RAD54L: variants seen among roughly 807,000 people sequenced by gnomAD.
RAD54L encodes RAD54 like.
RAD54L carries 74 observed loss-of-function variants against 91.6 expected under a neutral mutation model. The ratio of observed to expected loss-of-function variants is 0.81; its 90% CI spans 0.67 to 0.98. RAD54L has a LOEUF of 0.98. Ranked by LOEUF, RAD54L falls within the 50% of genes least tolerant of loss-of-function variation. RAD54L has a pLI of 0.00. For missense variants in RAD54L, 887 were observed against 945.7 expected, an observed-to-expected ratio of 0.94 and a Z score of 0.81; for synonymous variants, 304 against 349.7, an observed-to-expected ratio of 0.87 and a Z score of 1.46.
rs1265582357 is a variant in RAD54L at position 46,267,749 on chromosome 1, T to C, written c.1042+140T>C. The C allele has an allele frequency of 2.5e-6, 3 of 1,196,380 alleles. No individual in the cohort carries two copies. In the African/African-American group the frequency reaches 4.6e-5, roughly 18 times the overall value. 74.1% of individuals were successfully genotyped at this position (1,196,380 alleles called of 1,614,324 possible). A position where few individuals can be genotyped will look rare whatever the true frequency, so the allele number is the denominator to read the frequency against. Reference sequence around the variant, plus strand: ...CATTCTTGTAGGAAGGCTTCTCTTGTCAGGGAGTAGCAAAGCCATTGGGAG... The same window carrying C: ...CATTCTTGTAGGAAGGCTTCTCTTGCCAGGGAGTAGCAAAGCCATTGGGAG... On this transcript the variant is annotated intron_variant, in intron 9 of 17. Transcript: ENST00000371975.
At chr1:46,261,101 G>A in intron 7 of RAD54L, 86 bp downstream of exon 7, 1 of 1,549,102 alleles carries the variant, frequency 6.5e-7, no homozygotes, top group Non-Finnish European at 8.8e-7. Context: ...CCAGGGTGGA[G>A]GGCAATGCAG....
chr1:46,274,280 G>A, intron 15 of RAD54L, 64 bp downstream of exon 15: 2 of 1,510,780 alleles, frequency 1.3e-6, no homozygotes, highest in South Asian at 2.3e-5. Context: ...GAATGATAGA[G>A]AAGCTATAAG....
intron 3 of RAD54L, among the ~76,000 whole-genome samples, chr1:46,256,118 C>T (rs552982589): frequency 6.6e-6 from 1 of 151,892 alleles, no homozygotes; most frequent in African/African-American, 2.4e-5. Flanking sequence ...CTTGCTGTCA[C>T]CCAGGCTGGA....
chr1:46,258,549 C>G, intron 3 of RAD54L, 137 bp from the exon 4 acceptor site: 1 of 729,216 alleles, frequency 1.4e-6, no homozygotes. Context: ...CTTCTGCTAT[C>G]CCTGGATATT....
chr1:46,258,796 C>A, intron 4 of RAD54L, 50 bp downstream of exon 4: 1 of 1,382,952 alleles, frequency 7.2e-7, no homozygotes, highest in Non-Finnish European at 1.0e-6. Context: ...GTACGTGTGC[C>A]TGAATAAATT....
chr1:46,253,876 C>A (rs1019753900), intron 3 of RAD54L, among the ~76,000 whole-genome samples: 19 of 151,828 alleles, frequency 1.3e-4, no homozygotes, highest in African/African-American at 3.6e-4. Context: ...CGATGGTGAT[C>A]TTTAATTCCT....
chr1:46,261,619 G>T (rs947790660), intron 8 of RAD54L, among the ~76,000 whole-genome samples: 1 of 152,194 alleles, frequency 6.6e-6, no homozygotes, highest in Admixed American at 6.5e-5. Flanking sequence ...GGGCTGATTG[G>T]CTTTGTTGCC....
intron 3 of RAD54L, among the ~76,000 whole-genome samples, chr1:46,252,349 A>G (rs941175197): frequency 2.0e-5 from 3 of 152,108 alleles, no homozygotes; most frequent in Non-Finnish European, 4.4e-5. Context: ...GGTAGGAGGT[A>G]ACAGCAGTAT....
chr1:46,270,755 G>A lies in RAD54L; in HGVS notation c.1139G>A (p.Arg380Gln), dbSNP rs28363234. ...SEADRQLGEE[R>Q]LRELTSIVNR... ...GCAGACAGGCAGCTAGGAGAGGAGC[G>A]GCTGCGGGAGCTCACCAGCATTGTG... is the stretch of plus-strand genomic sequence containing the variant. The change falls in exon 10 of 18, where the codon CGG becomes CAG. Residue 380 changes from arginine (R) to glutamine (Q), a missense_variant. By Grantham distance (43) the Arg-to-Gln change is conservative. Transcript: ENST00000371975. 6.1e-5 allele frequency: 99 copies of A among 1,614,194 alleles called. No individual in the cohort carries two copies. Among genetic ancestry groups the A allele is most frequent in the Admixed American group, 4.7e-4 (28 of 60,014 alleles).
At chr1:46,259,857 G>T in intron 4 of RAD54L, 107 bp from the exon 5 acceptor site, 5 of 1,434,302 alleles carry the variant, frequency 3.5e-6, no homozygotes, top group Non-Finnish European at 4.9e-6. Flanking sequence ...GAGAGAGAGG[G>T]TCATATGGGA....
At chr1:46,251,313 CA>C (rs1169023821) in intron 3 of RAD54L, among the ~76,000 whole-genome samples, 1 of 151,896 alleles carries the variant, frequency 6.6e-6, no homozygotes, top group African/African-American at 2.4e-5. Flanking sequence ...AATCCGTCCC[CA>C]AAACAACAAC....
chr1:46,255,080 C>T (rs1044212542), intron 3 of RAD54L, among the ~76,000 whole-genome samples: 7 of 152,072 alleles, frequency 4.6e-5, no homozygotes, highest in Non-Finnish European at 8.8e-5. Context: ...GTAGGCCATT[C>T]GTGATCTTGG....
chr1:46,267,646 GC>G (rs761626726), intron 9 of RAD54L, 37 bp downstream of exon 9: 4 of 1,569,834 alleles, frequency 2.5e-6, no homozygotes, highest in Non-Finnish European at 2.6e-6. Flanking sequence ...TCAGAGAGGA[GC>G]CCTGCCTTGT....
At chr1:46,259,503 T>C (rs1039926430) in intron 4 of RAD54L, among the ~76,000 whole-genome samples, 1 of 152,166 alleles carries the variant, frequency 6.6e-6, no homozygotes, top group African/African-American at 2.4e-5. Context: ...CTGGGCATCG[T>C]GGCTCACGCC....
intron 10 of RAD54L, among the ~76,000 whole-genome samples, chr1:46,272,262 T>G (rs1448203281): frequency 6.6e-6 from 1 of 151,858 alleles, no homozygotes; most frequent in Non-Finnish European, 1.5e-5. Context: ...AGGCTGGTCT[T>G]GAACTCCTGA....
rs1557708009 is a variant in RAD54L, at chr1:46,273,729, A to C, written c.1592A>C (p.Lys531Thr). The C allele has an allele frequency of 7.4e-6, 12 of 1,610,972 alleles. No homozygotes were observed. Among genetic ancestry groups the C allele is most frequent in the Non-Finnish European group, 1.0e-5 (12 of 1,178,562 alleles). ...NYTQTLDLFEKLCRARRYLYV... is the reference protein window; with the variant it reads ...NYTQTLDLFETLCRARRYLYV... ...ACCCAGACTTTGGATCTCTTTGAGA[A>C]GCTGTGCCGTGCCCGAAGGTAGGGA... Residue 531 changes from lysine to threonine, a missense_variant, in exon 14 of 18, where the codon AAG (lysine) becomes ACG (threonine). Physicochemically the swap from Lys to Thr is moderately conservative, Grantham distance 78. Transcript: ENST00000371975.
At chr1:46,274,747 G>C (rs753116238) in intron 16 of RAD54L, 30 bp downstream of exon 16, 105 of 1,613,192 alleles carry the variant, frequency 6.5e-5, no homozygotes, top group Non-Finnish European at 8.3e-5. Flanking sequence ...TCATAGTAGG[G>C]GTGGGTCATG....
In RAD54L at chr1:46,270,695, C is replaced by G; in HGVS notation, c.1079C>G (p.Pro360Arg). 1 of 1,611,438 alleles carries G rather than the reference C, an allele frequency of 6.2e-7. No homozygotes were observed. The highest frequency in any genetic ancestry group is 1.1e-5 in the South Asian group (1 of 89,620). The stretch of plus-strand genomic sequence containing the variant: ...GAATTCAAGAAGCATTTTGAATTGC[C>G]AATTTTGAAGGGTCGAGACGCTGCT... ...AHEFKKHFEL[P>R]ILKGRDAAAS... Residue 360 changes from proline (P) to arginine (R), a missense_variant, in exon 10 of 18, where the codon CCA becomes CGA. Physicochemically the swap from Pro to Arg is moderately radical, Grantham distance 103. Transcript: ENST00000371975.
chr1:46,256,511 TGAGAAAGATCCCTTGAGCCAGGACTTA>T (rs996422263), intron 3 of RAD54L, among the ~76,000 whole-genome samples: 10 of 151,654 alleles, frequency 6.6e-5, no homozygotes, highest in South Asian at 6.3e-4. Flanking sequence ...GAGGCCAAGG[TGAGAAAGATCCCTTGAGCCAGGACTTA>T]GAGAAAGATC....
Sources: gnomAD v4.1 joint callset for allele counts (sites outside exome capture counted in the v4.1 genomes callset) on GRCh38, gnomAD v4.1.1 for gene constraint, MANE v1.5 for transcripts, NCBI Gene and HGNC (gene_info 2026-07-23, HGNC 2026-07-21) for gene names.